MCPH1: variants seen among roughly 807,000 people sequenced by gnomAD.
MCPH1 encodes microcephalin.
MCPH1 carries 104 observed loss-of-function variants against 84.5 expected under a neutral mutation model. That is an observed-to-expected ratio of 1.23 (90% CI 1.05 to 1.45). The LOEUF (loss-of-function observed/expected upper bound fraction) is 1.45, where lower values mean the gene tolerates loss of function less well. Among genes scored for constraint, MCPH1 ranks in the 40% most tolerant of loss-of-function variants. MCPH1 has a pLI of 0.00. For missense variants in MCPH1, 1,498 were observed against 1,005.7 expected, an observed-to-expected ratio of 1.49 and a Z score of -6.62; for synonymous variants, 514 against 366.8, an observed-to-expected ratio of 1.40 and a Z score of -4.58.
At chr8:6,448,793 G>A (rs536092728) in intron 8 of MCPH1, among the ~76,000 whole-genome samples, 92 of 152,260 alleles carry the variant, frequency 6.0e-4, no homozygotes, top group African/African-American at 2.2e-3. Context: ...CCTATAGGTA[G>A]GGTCAGCACA....
intron 12 of MCPH1, among the ~76,000 whole-genome samples, chr8:6,555,205 G>A (rs1824376457): frequency 6.6e-6 from 1 of 152,140 alleles, no homozygotes; most frequent in African/African-American, 2.4e-5. Flanking sequence ...CATTTTTGGT[G>A]ATCCAGTCTG....
At chr8:6,480,209 C>T (rs759073636) in intron 10 of MCPH1, among the ~76,000 whole-genome samples, 1 of 151,876 alleles carries the variant, frequency 6.6e-6, no homozygotes, top group Non-Finnish European at 1.5e-5. Context: ...CTGCAACCTC[C>T]ACCTCCCGGA....
chr8:6,533,454 T>G (rs112255540), intron 12 of MCPH1, among the ~76,000 whole-genome samples: 1,808 of 152,256 alleles, frequency 0.012, 17 homozygotes, highest in Non-Finnish European at 0.019. Flanking sequence ...GACCCTAGTT[T>G]CCTCATATGT....
chr8:6,482,866 C>A (rs1202375359), intron 11 of MCPH1, among the ~76,000 whole-genome samples: 1 of 152,136 alleles, frequency 6.6e-6, no homozygotes, highest in Non-Finnish European at 1.5e-5. Context: ...AGACTCCTTG[C>A]CTGGAGGGAA....
chr8:6,511,902 T>C (rs958062352), intron 12 of MCPH1, among the ~76,000 whole-genome samples: 5 of 149,248 alleles, frequency 3.4e-5, no homozygotes, highest in Non-Finnish European at 6.0e-5. Context: ...TGTGCTTCTT[T>C]TTTTTTTTTT....
chr8:6,505,083 C>T lies in MCPH1; in HGVS notation c.2214+5154C>T, dbSNP rs996965300. Among the ~76,000 whole-genome samples, 6 of 122,806 alleles carry T rather than the reference C, an allele frequency of 4.9e-5. No individual in the cohort carries two copies. The East Asian group carries it at 1.1e-3, about 22-fold the overall frequency. The allele number at this position is 122,806 out of a possible 152,430, so 80.6% of individuals were successfully genotyped here. ...ATTAATAAATAAAGTGAATTAACCT[C>T]GACCCAAGCGTCAGGTAGGGAATGG... On this transcript the variant is annotated intron_variant, in intron 12 of 13. Coordinates refer to ENST00000344683, the MANE Select transcript of MCPH1 (RefSeq NM_024596.5).
intron 12 of MCPH1, among the ~76,000 whole-genome samples, chr8:6,524,575 A>G (rs1032199458): frequency 6.6e-6 from 1 of 152,204 alleles, no homozygotes; most frequent in Non-Finnish European, 1.5e-5. Flanking sequence ...CCTTCCGTTT[A>G]ACAGAGATGT....
intron 12 of MCPH1, among the ~76,000 whole-genome samples, chr8:6,507,273 TA>T (rs1813938736): frequency 6.6e-6 from 1 of 152,244 alleles, no homozygotes; most frequent in African/African-American, 2.4e-5. Context: ...CTTTCATTTA[TA>T]AAACATGTTG....
At chr8:6,609,302 C>T (rs1830042265) in intron 12 of MCPH1, among the ~76,000 whole-genome samples, 1 of 152,202 alleles carries the variant, frequency 6.6e-6, no homozygotes, top group Non-Finnish European at 1.5e-5. Flanking sequence ...TGAGCGTGTG[C>T]CCACTATCGG....
intron 6 of MCPH1, among the ~76,000 whole-genome samples, chr8:6,439,993 G>C (rs749213117): frequency 1.3e-5 from 2 of 152,130 alleles, no homozygotes; most frequent in Non-Finnish European, 2.9e-5. Context: ...GTTTCTGTGT[G>C]GAGGTGTAAT....
At chr8:6,465,961 A>G (rs1047375778) in intron 9 of MCPH1, among the ~76,000 whole-genome samples, 8 of 149,612 alleles carry the variant, frequency 5.3e-5, no homozygotes, top group African/African-American at 2.0e-4. Context: ...CCATCCATCC[A>G]TCCATCCATC....
At chr8:6,408,647 C>G (rs553699826) in intron 1 of MCPH1, among the ~76,000 whole-genome samples, 1 of 152,138 alleles carries the variant, frequency 6.6e-6, no homozygotes, top group Non-Finnish European at 1.5e-5. Context: ...ATTCTCCCAC[C>G]TCAGCTTCTC....
rs766173398 is a variant in MCPH1 at position 6,442,041 on chromosome 8, A to T, written c.581-26A>T. On this transcript the variant is annotated intron_variant, in intron 6 of 13. Coordinates refer to ENST00000344683, the MANE Select transcript of MCPH1 (RefSeq NM_024596.5). ...CTAAGAAATACTGAAACTTTATCTAATGCAGTGTCTTGGTCCTGTTTTTAG... is the reference window on the plus strand; with the variant it reads ...CTAAGAAATACTGAAACTTTATCTATTGCAGTGTCTTGGTCCTGTTTTTAG... 4 of 1,509,648 alleles carry T rather than the reference A, an allele frequency of 2.6e-6. No homozygotes were observed. Among genetic ancestry groups the T allele is most frequent in the Non-Finnish European group, 3.7e-6 (4 of 1,085,106 alleles). The allele number at this position is 1,509,648 out of a possible 1,614,324, so 93.5% of individuals were successfully genotyped here.
chr8:6,474,695 G>A (rs1016535602), intron 9 of MCPH1, among the ~76,000 whole-genome samples: 1 of 152,170 alleles, frequency 6.6e-6, no homozygotes, highest in African/African-American at 2.4e-5. Context: ...ACATGTAAAA[G>A]TAGAATAGCA....
intron 9 of MCPH1, among the ~76,000 whole-genome samples, chr8:6,457,028 C>T (rs1805757936): frequency 6.6e-6 from 1 of 152,142 alleles, no homozygotes; most frequent in South Asian, 2.1e-4. Flanking sequence ...GTATTACTGT[C>T]TTGAGTAATG....
At chr8:6,588,735 C>T (rs943757931) in intron 12 of MCPH1, among the ~76,000 whole-genome samples, 2 of 152,272 alleles carry the variant, frequency 1.3e-5, no homozygotes, top group Non-Finnish European at 2.9e-5. Flanking sequence ...TTAGCCTCTC[C>T]ATAGTTCTTC....
At chr8:6,605,376 A>G (rs1457730078) in intron 12 of MCPH1, among the ~76,000 whole-genome samples, 1 of 152,240 alleles carries the variant, frequency 6.6e-6, no homozygotes, top group Non-Finnish European at 1.5e-5. Flanking sequence ...TAACTAGAGC[A>G]GGGAGTCCTT....
chr8:6,541,724 C>T (rs986803665), intron 12 of MCPH1, among the ~76,000 whole-genome samples: 10 of 152,102 alleles, frequency 6.6e-5, no homozygotes. Flanking sequence ...GAATGTAGGG[C>T]CGGGCATAGT....
At chr8:6,591,411 C>T (rs746767315) in intron 12 of MCPH1, among the ~76,000 whole-genome samples, 4 of 152,178 alleles carry the variant, frequency 2.6e-5, no homozygotes, top group Non-Finnish European at 5.9e-5. Context: ...GCCCTGGTAA[C>T]GTGATTTCTC....
Sources: gnomAD v4.1 joint callset for allele counts (sites outside exome capture counted in the v4.1 genomes callset) on GRCh38, gnomAD v4.1.1 for gene constraint, MANE v1.5 for transcripts, NCBI Gene and HGNC (gene_info 2026-07-23, HGNC 2026-07-21) for gene names.